The following WDPCP variants were observed in gnomAD, a reference collection of about 807,000 sequenced individuals.
WDPCP encodes the protein WD repeat-containing and planar cell polarity effector protein fritz homolog.
WDPCP carries 71 observed loss-of-function variants against 93.1 expected under a neutral mutation model. The ratio of observed to expected loss-of-function variants is 0.76; its 90% CI spans 0.63 to 0.93. WDPCP has a LOEUF of 0.93. WDPCP is among the 40% of genes least tolerant of loss of function. WDPCP has a pLI of 0.00. For missense variants in WDPCP, 844 were observed against 887.4 expected (o/e 0.95, Z 0.62); for synonymous variants, 315 against 315.0 (o/e 1.00, Z 0.00).
At chr2:63,427,553 C>T (rs1040755027) in intron 9 of WDPCP, among the ~76,000 whole-genome samples, 17 of 152,100 alleles carry the variant, frequency 1.1e-4, no homozygotes. Flanking sequence ...AAAACAGAGA[C>T]ACAACATACA....
chr2:63,602,021 G>A (rs191862487), intron 3 of WDPCP, among the ~76,000 whole-genome samples: 1 of 152,254 alleles, frequency 6.6e-6, no homozygotes, highest in Admixed American at 6.5e-5. Flanking sequence ...TCAATAGCTG[G>A]GTACCCCAGA....
intron 1 of WDPCP, among the ~76,000 whole-genome samples, chr2:63,824,292 T>G (rs1434657575): frequency 6.6e-6 from 1 of 151,932 alleles, no homozygotes; most frequent in Non-Finnish European, 1.5e-5. Flanking sequence ...CACGTGGAAC[T>G]GTGAATCAAT....
At chr2:63,769,481 T>C (rs1308851404) in intron 2 of WDPCP, among the ~76,000 whole-genome samples, 1 of 151,972 alleles carries the variant, frequency 6.6e-6, no homozygotes, top group African/African-American at 2.4e-5. Context: ...TTCAAGGGCA[T>C]ATGGAACCTT....
intron 9 of WDPCP, among the ~76,000 whole-genome samples, chr2:63,414,466 CACATAT>C (rs1403912086): frequency 3.9e-5 from 5 of 129,448 alleles, no homozygotes; most frequent in African/African-American, 1.4e-4. Context: ...TATATACACA[CACATAT>C]ACACACACAC....
At position 63,598,742 on chromosome 2, in the gene WDPCP, C is replaced by A. The variant is rs115520925; in HGVS notation, n.488+51917G>T. 2.0e-3 allele frequency among the ~76,000 whole-genome samples: 307 copies of A among 152,174 alleles called. 1 individual carries two copies. The highest frequency in any genetic ancestry group is 7.1e-3 in the African/African-American group (294 of 41,518). ...GCCAGTAAAAGATTAGAAGATTGTT[C>A]AGACTGCTAAATTGCAGGCTATTTG... is the stretch of plus-strand genomic sequence containing the variant. On this transcript the variant is annotated intron_variant and non_coding_transcript_variant, in intron 3 of 4. Transcript: ENST00000467687.
At chr2:63,732,080 T>C (rs1372657442) in intron 2 of WDPCP, among the ~76,000 whole-genome samples, 1 of 152,208 alleles carries the variant, frequency 6.6e-6, no homozygotes, top group Non-Finnish European at 1.5e-5. Flanking sequence ...TGACTATTGG[T>C]CTTTATGGTT....
At chr2:63,642,032 C>A (rs1343644041) in intron 3 of WDPCP, among the ~76,000 whole-genome samples, 1 of 152,076 alleles carries the variant, frequency 6.6e-6, no homozygotes, top group East Asian at 1.9e-4. Flanking sequence ...TTCCCAGCAC[C>A]ATTTATTGAA....
intron 12 of WDPCP, among the ~76,000 whole-genome samples, chr2:63,318,463 A>T (rs4671479): frequency 0.8 from 121,899 of 152,184 alleles, 49,687 homozygotes; most frequent in East Asian, 0.96. Flanking sequence ...AGATATGTGA[A>T]GTGTATGTTC....
chr2:63,752,897 T>A (rs1669905651), intron 2 of WDPCP, among the ~76,000 whole-genome samples: 2 of 152,050 alleles, frequency 1.3e-5, no homozygotes, highest in African/African-American at 4.8e-5. Flanking sequence ...CTTCACCATG[T>A]TGGCCAGGCT....
At position 63,134,076 on chromosome 2, in the gene WDPCP, T is replaced by C. The variant is rs139283108; in HGVS notation, c.2191-12020A>G. ...GTCATTCTTCCTAGGGGTTTTCTAA[T>C]CGTTGTTTCCTCTGGTTGTATGTGG... On this transcript the variant is annotated intron_variant, in intron 17 of 17. Transcript: ENST00000272321. 3.0e-3 allele frequency among the ~76,000 whole-genome samples: 451 copies of C among 152,310 alleles called. 1 individual carries two copies. Among genetic ancestry groups the C allele is most frequent in the Middle Eastern group, 6.8e-3 (2 of 292 alleles).
intron 6 of WDPCP, among the ~76,000 whole-genome samples, chr2:63,469,514 G>C (rs1699562090): frequency 1.3e-5 from 2 of 152,182 alleles, no homozygotes; most frequent in Admixed American, 6.5e-5. Context: ...ATACTATGCA[G>C]CCATAAAAAG....
chr2:63,819,027 CATAGAT>C (rs1448974646), intron 1 of WDPCP, among the ~76,000 whole-genome samples: 1 of 152,064 alleles, frequency 6.6e-6, no homozygotes, highest in Non-Finnish European at 1.5e-5. Context: ...AATATACACA[CATAGAT>C]ATATGCACTC....
intron 9 of WDPCP, among the ~76,000 whole-genome samples, chr2:63,423,746 G>A (rs533645659): frequency 2.0e-5 from 3 of 152,172 alleles, no homozygotes; most frequent in Non-Finnish European, 4.4e-5. Flanking sequence ...GGTGTTTGTT[G>A]ACAAATGAAT....
intron 2 of WDPCP, among the ~76,000 whole-genome samples, chr2:63,711,121 G>A (rs1484149089): frequency 6.6e-6 from 1 of 152,188 alleles, no homozygotes; most frequent in Admixed American, 6.5e-5. Flanking sequence ...TTATCAGGAT[G>A]TTTTCTTTGG....
intron 1 of WDPCP, among the ~76,000 whole-genome samples, chr2:63,554,551 G>C (rs1458873146): frequency 6.6e-6 from 1 of 152,074 alleles, no homozygotes; most frequent in Non-Finnish European, 1.5e-5. Flanking sequence ...TACTTTGGAG[G>C]CTGAGGCAGG....
intron 14 of WDPCP, among the ~76,000 whole-genome samples, chr2:63,236,552 G>A (rs953198401): frequency 1.3e-5 from 2 of 152,172 alleles, no homozygotes; most frequent in Non-Finnish European, 2.9e-5. Flanking sequence ...AAAGCTGGAG[G>A]CATCAGACTA....
chr2:63,573,026 T>C (rs899190903), intron 1 of WDPCP, among the ~76,000 whole-genome samples: 1 of 151,978 alleles, frequency 6.6e-6, no homozygotes. Flanking sequence ...GCAGGAGGAC[T>C]GACTGGGGCC....
Position 63,485,233 on chromosome 2 carries a change from A to G in WDPCP, c.254-246T>C, listed in dbSNP as rs10171709. 8.7e-4 allele frequency among the ~76,000 whole-genome samples: 133 copies of G among 152,012 alleles called. No homozygotes were observed. In the Middle Eastern group the frequency reaches 0.01, roughly 12 times the overall value. On this transcript the variant is annotated intron_variant, in intron 4 of 17. Transcript: ENST00000272321. ...CAACAAGGCTTGGAGAATCCCTGGGAAAGTTTGCTAGGCTTGTGAATCTAG... is the reference window on the plus strand; with the variant it reads ...CAACAAGGCTTGGAGAATCCCTGGGGAAGTTTGCTAGGCTTGTGAATCTAG...
intron 1 of WDPCP, among the ~76,000 whole-genome samples, chr2:63,534,960 C>A (rs1048582811): frequency 1.3e-5 from 2 of 152,182 alleles, no homozygotes; most frequent in African/African-American, 4.8e-5. Flanking sequence ...ATTTAGAAAA[C>A]CCCCTCGTCT....
Sources: gnomAD v4.1 joint callset for allele counts (sites outside exome capture counted in the v4.1 genomes callset) on GRCh38, gnomAD v4.1.1 for gene constraint, MANE v1.5 for transcripts, NCBI Gene and HGNC (gene_info 2026-07-23, HGNC 2026-07-21) for gene names.